ANKRD27: variants seen among roughly 807,000 people sequenced by gnomAD.
ANKRD27 encodes ankyrin repeat domain 27.
Under a neutral mutation model 129.7 loss-of-function variants are expected in ANKRD27, and 112 were observed. The ratio of observed to expected loss-of-function variants is 0.86; its 90% confidence interval spans 0.74 to 1.01. The LOEUF (loss-of-function observed/expected upper bound fraction) is 1.01, where lower values mean the gene tolerates loss of function less well. Among genes scored for constraint, ANKRD27 ranks in the 50% least tolerant of loss-of-function variants. The pLI, the probability that ANKRD27 is intolerant of heterozygous loss-of-function variation, is 0.00. For missense variants in ANKRD27, 1,258 were observed against 1,300.5 expected (o/e 0.97, Z 0.50); for synonymous variants, 516 against 511.2 (o/e 1.01, Z -0.13).
intron 15 of ANKRD27, 25 bp downstream of exon 15, chr19:32,628,058 T>C: frequency 6.2e-7 from 1 of 1,611,214 alleles, no homozygotes. Flanking sequence ...TGACAGCCCC[T>C]AGGGGCCAGC....
chr19:32,657,863 T>C (rs1488854333), intron 2 of ANKRD27, among the ~76,000 whole-genome samples: 1 of 151,588 alleles, frequency 6.6e-6, no homozygotes, highest in Admixed American at 6.6e-5. Flanking sequence ...CAATCCCAGA[T>C]ACTTGGGAGG....
chr19:32,629,836 CTT>C (rs1303622664), intron 13 of ANKRD27, among the ~76,000 whole-genome samples: 4 of 135,208 alleles, frequency 3.0e-5, no homozygotes, highest in Admixed American at 7.7e-5. Context: ...CCCTGTTCCT[CTT>C]GTGTTCTTTT....
At position 32,609,012 on chromosome 19, in the gene ANKRD27, C is replaced by T. The variant is rs372008366; in HGVS notation, c.2176-1180G>A. Among the ~76,000 whole-genome samples, 13 of 151,820 alleles carry T rather than the reference C, an allele frequency of 8.6e-5. No individual in the cohort carries two copies. In the South Asian group the frequency reaches 2.3e-3, roughly 27 times the overall value. On this transcript the variant is annotated intron_variant, in intron 22 of 28. Transcript: ENST00000306065. The stretch of plus-strand genomic sequence containing the variant: ...CCTCCCAAGTAGCTGGGATTACAGG[C>T]GTGTGCCACCACACCTGGCTGATTT...
At chr19:32,634,198 T>C (rs1207524733) in intron 12 of ANKRD27, among the ~76,000 whole-genome samples, 1 of 152,210 alleles carries the variant, frequency 6.6e-6, no homozygotes, top group Non-Finnish European at 1.5e-5. Flanking sequence ...CTTGGGATTT[T>C]TCCCTAGGAA....
intron 22 of ANKRD27, among the ~76,000 whole-genome samples, chr19:32,610,771 G>A (rs1971823763): frequency 1.3e-5 from 2 of 152,110 alleles, no homozygotes; most frequent in South Asian, 2.1e-4. Context: ...CAGCCTGGGC[G>A]ACAGAGGGAG....
At chr19:32,610,993 TA>T (rs1353539518) in intron 22 of ANKRD27, among the ~76,000 whole-genome samples, 3 of 28,742 alleles carry the variant, frequency 1.0e-4, no homozygotes, top group Admixed American at 7.7e-4. Flanking sequence ...AAAATTAAAA[TA>T]AAATAAAATA....
intron 2 of ANKRD27, 29 bp from the exon 3 acceptor site, chr19:32,649,821 G>T: frequency 7.0e-7 from 1 of 1,436,098 alleles, no homozygotes; most frequent in Non-Finnish European, 9.8e-7. Flanking sequence ...GGCAACATTA[G>T]ACAGACGTGC....
At chr19:32,664,659 T>TAAA (rs1555748670) in intron 1 of ANKRD27, among the ~76,000 whole-genome samples, 11 of 136,400 alleles carry the variant, frequency 8.1e-5, no homozygotes, top group South Asian at 2.2e-4. Flanking sequence ...ATAATAATAA[T>TAAA]AAAAAGTTCT....
intron 22 of ANKRD27, 110 bp from the exon 23 acceptor site, chr19:32,607,942 TGGCGG>T: frequency 1.8e-6 from 2 of 1,103,592 alleles, no homozygotes; most frequent in Non-Finnish European, 2.6e-6. Flanking sequence ...TGCGGGATCA[TGGCGG>T]GATCCAGGAT....
At chr19:32,600,654 C>T (rs1189249282) in intron 26 of ANKRD27, among the ~76,000 whole-genome samples, 1 of 152,118 alleles carries the variant, frequency 6.6e-6, no homozygotes, top group Non-Finnish European at 1.5e-5. Context: ...TATTCCAAAA[C>T]CCAAAACACT....
chr19:32,607,166 A>AAAG (rs1555739715), intron 23 of ANKRD27, among the ~76,000 whole-genome samples: 1 of 104,172 alleles, frequency 9.6e-6, no homozygotes, highest in Non-Finnish European at 2.1e-5. Context: ...AAAAAAAAAA[A>AAAG]GGCAAAAAAC....
At chr19:32,608,344 G>T in intron 22 of ANKRD27, 3 of 291,894 alleles carry the variant, frequency 1.0e-5, no homozygotes, top group Non-Finnish European at 1.4e-5. Flanking sequence ...CAGGGCTGTA[G>T]AGCCTCCAAA....
intron 21 of ANKRD27, 71 bp from the exon 22 acceptor site, chr19:32,615,851 C>A: frequency 6.4e-7 from 1 of 1,553,222 alleles, no homozygotes; most frequent in South Asian, 1.2e-5. Flanking sequence ...CTTAAACACA[C>A]ACCATCAACC....
chr19:32,619,339 C>G lies in ANKRD27; in HGVS notation c.1928G>C (p.Ser643Thr), dbSNP rs531216908. Residue 643 changes from serine to threonine, a missense_variant, in exon 20 of 29, where the codon AGC becomes ACC. By Grantham distance (58) the Ser-to-Thr change is moderately conservative. Coordinates refer to ENST00000306065, the MANE Select transcript of ANKRD27 (RefSeq NM_032139.3). ...GAAGCTGGAAGTGGAGGACTCTTGG[C>G]TGATGGAGTCCACGGAGCGCTGCGG... Reference protein sequence around the residue: ...QSPQRSVDSISQESSTSSFSS... With the variant: ...QSPQRSVDSITQESSTSSFSS... 6.2e-7 allele frequency: 1 copy of G among 1,613,632 alleles called. No individual in the cohort carries two copies. Among genetic ancestry groups the G allele is most frequent in the South Asian group, 1.1e-5 (1 of 91,038 alleles).
At chr19:32,617,665 T>G in intron 20 of ANKRD27, 32 bp from the exon 21 acceptor site, 2 of 719,340 alleles carry the variant, frequency 2.8e-6, no homozygotes, top group Non-Finnish European at 2.5e-6. Context: ...GTTAGAAAAA[T>G]GATTTCAACA....
chr19:32,670,101 A>G (rs13313735), intron 1 of ANKRD27, among the ~76,000 whole-genome samples: 11,596 of 152,212 alleles, frequency 0.076, 504 homozygotes, highest in East Asian at 0.12. Context: ...GGGGCAGAAC[A>G]GCAAGAGACA....
At chr19:32,626,308 T>C (rs754761190) in intron 16 of ANKRD27, among the ~76,000 whole-genome samples, 2 of 152,074 alleles carry the variant, frequency 1.3e-5, no homozygotes, top group Non-Finnish European at 2.9e-5. Context: ...GCTGGGACTA[T>C]AGGCACACAC....
Position 32,666,639 on chromosome 19 carries a change from C to CTT in ANKRD27, c.-30-7595_-30-7594insAA, listed in dbSNP as rs1421941665. 1.6e-3 allele frequency among the ~76,000 whole-genome samples: 178 copies of CTT among 111,964 alleles called. 15 individuals are homozygous for CTT. The highest frequency in any genetic ancestry group is 2.9e-3 in the East Asian group (11 of 3,756). The allele number at this position is 111,964 out of a possible 152,430, so 73.5% of individuals were successfully genotyped here. On this transcript the variant is annotated intron_variant, in intron 1 of 28. Coordinates refer to ENST00000306065, the MANE Select transcript of ANKRD27 (RefSeq NM_032139.3). The stretch of plus-strand genomic sequence containing the variant: ...GGGCACAGAAAAGGAAATCAGATTT[C>CTT]TATTTTTTTTTTTTTTTTTTTTTGA...
Position 32,657,635 on chromosome 19 carries a change from A to G in ANKRD27, c.102+1279T>C, listed in dbSNP as rs376167620. Among the ~76,000 whole-genome samples the G allele has an allele frequency of 3.1e-4, 47 of 151,062 alleles. No homozygotes were observed. In the East Asian group the frequency reaches 7.3e-3, roughly 23 times the overall value. The stretch of plus-strand genomic sequence containing the variant: ...GAGACTCTGTCTCAAAAAAAAAAAA[A>G]AGAAACCCAGTTTCTGATGGCAGAG... On this transcript the variant is annotated intron_variant, in intron 2 of 28. Transcript: ENST00000306065.
Sources: gnomAD v4.1 joint callset for allele counts (sites outside exome capture counted in the v4.1 genomes callset) on GRCh38, gnomAD v4.1.1 for gene constraint, MANE v1.5 for transcripts, NCBI Gene and HGNC (gene_info 2026-07-23, HGNC 2026-07-21) for gene names.